Variants in DLG4 observed in about 807,000 individuals in gnomAD.
DLG4 encodes the protein disks large homolog 4.
Under a neutral mutation model 93.8 loss-of-function variants are expected in DLG4, and 7 were observed. The ratio of observed to expected loss-of-function variants is 0.07; its 90% confidence interval spans 0.04 to 0.14. The LOEUF (loss-of-function observed/expected upper bound fraction) is 0.14. Ranked by LOEUF, DLG4 falls within the 10% of genes least tolerant of loss-of-function variation. The pLI is 1.00. For missense variants in DLG4, 545 were observed against 992.9 expected, an observed-to-expected ratio of 0.55 and a Z score of 6.06; for synonymous variants, 341 against 387.6, an observed-to-expected ratio of 0.88 and a Z score of 1.41.
intron 1 of DLG4, chr17:7,211,699 T>G: frequency 6.3e-6 from 6 of 954,264 alleles, no homozygotes; most frequent in Non-Finnish European, 7.4e-6. Flanking sequence ...CGAGCCGACA[T>G]GGAGAAGGGG....
At position 7,189,425 on chromosome 17, in the gene DLG4, A is replaced by G. The variant is rs1443290115; in HGVS notation, c.*1283T>C. ...AATCACTTGAACCAGGGTGGCAGAGATCACAGTGAGCCGAGATCGAGCCAC... is the reference window on the plus strand; with the variant it reads ...AATCACTTGAACCAGGGTGGCAGAGGTCACAGTGAGCCGAGATCGAGCCAC... On this transcript the variant is annotated 3_prime_UTR_variant, in exon 20 of 20. Coordinates refer to ENST00000399506, the MANE Select transcript of DLG4 (RefSeq NM_001321075.3). Among the ~76,000 whole-genome samples the G allele has an allele frequency of 1.3e-5, 2 of 150,868 alleles. No individual in the cohort carries two copies. The highest frequency in any genetic ancestry group is 3.0e-5 in the Non-Finnish European group (2 of 67,676).
intron 1 of DLG4, among the ~76,000 whole-genome samples, chr17:7,216,187 C>A (rs1196401035): frequency 6.6e-6 from 1 of 152,040 alleles, no homozygotes; most frequent in African/African-American, 2.4e-5. Context: ...TCCTCCCCCA[C>A]CTTGATCCCA....
chr17:7,194,625 A>G lies in DLG4; in HGVS notation c.1302-130T>C. On this transcript the variant is annotated intron_variant, in intron 11 of 19. Transcript: ENST00000399506. This position sits in a 1 kb window ranked among gnomAD's most constrained non-coding sequence, Gnocchi z 4.4. ...GGGAGCTATGGATGCCGAGGAACCC[A>G]AAACTGTGTGGGGACCAAACGCTGA... is the stretch of plus-strand genomic sequence containing the variant. 1.0e-6 allele frequency: 1 copy of G among 952,434 alleles called. No homozygotes were observed. Among genetic ancestry groups the G allele is most frequent in the East Asian group, 2.6e-5 (1 of 37,968 alleles). The allele number at this position is 952,434 out of a possible 1,614,324, so 59.0% of individuals were successfully genotyped here. A position where few individuals can be genotyped will look rare whatever the true frequency, so the allele number is the denominator to read the frequency against.
rs932136340 is a variant in DLG4 at position 7,189,139 on chromosome 17, G to A, written c.*1569C>T. On this transcript the variant is annotated 3_prime_UTR_variant, in exon 20 of 20. Transcript: ENST00000399506. ...AAAAAAAAAAAAAAGGGTGGGGGGG[G>A]CGCATAAAGAAACCTAGCGTATATT... Among the ~76,000 whole-genome samples, 8 of 148,488 alleles carry A rather than the reference G, an allele frequency of 5.4e-5. No individual in the cohort carries two copies. The East Asian group carries it at 8.0e-4, about 15-fold the overall frequency.
In DLG4 at chr17:7,195,718, G is replaced by A. The variant is rs556057583; in HGVS notation, c.1301+502C>T. On this transcript the variant is annotated intron_variant, in intron 11 of 19. Transcript: ENST00000399506. The surrounding 1 kb of genome is among the most constrained non-coding windows in gnomAD (Gnocchi z 4.3). ...GGACAGAAGTGGAGGGGTGACCCCC[G>A]GGGGCGGGAGAGAGGTGTGTTTTGG... Among the ~76,000 whole-genome samples the A allele has an allele frequency of 8.5e-5, 13 of 152,222 alleles. No individual in the cohort carries two copies. Among genetic ancestry groups the A allele is most frequent in the African/African-American group, 2.6e-4 (11 of 41,532 alleles).
At position 7,193,434 on chromosome 17, in the gene DLG4, C is replaced by T; in HGVS notation, c.1693+49G>A. 3 of 1,486,038 alleles carry T rather than the reference C, an allele frequency of 2.0e-6. No individual in the cohort carries two copies. Among genetic ancestry groups the T allele is most frequent in the East Asian group, 2.3e-5 (1 of 42,970 alleles). 92.1% of individuals were successfully genotyped at this position (1,486,038 alleles called of 1,614,324 possible). On this transcript the variant is annotated intron_variant, in intron 16 of 19. Transcript: ENST00000399506. The surrounding 1 kb of genome is among the most constrained non-coding windows in gnomAD (Gnocchi z 6.7). ...TGGCCCCAGGGATGGGCCTCCCCTG[C>T]CCCACCCCCACTTCCACCTTCTCCT... is the stretch of plus-strand genomic sequence containing the variant.
intron 1 of DLG4, among the ~76,000 whole-genome samples, chr17:7,216,240 C>A (rs1379326920): frequency 6.6e-6 from 1 of 152,118 alleles, no homozygotes; most frequent in African/African-American, 2.4e-5. Context: ...CTGCTCTTCT[C>A]CCTCTCTCTT....
chr17:7,204,221 T>C lies in DLG4; in HGVS notation c.128A>G (p.Asp43Gly). Residue 43 changes from aspartate to glycine, a missense_variant, in exon 3 of 20, where the codon GAT becomes GGT. Asp to Gly is a moderately conservative substitution (Grantham distance 94). Around this residue, in one of 5 missense-constraint regions of DLG4, gnomAD observed 49 missense variants for 80.4 expected, o/e 0.61. Transcript: ENST00000399506. Reference sequence around the variant, plus strand: ...CACATATCCTGGGGCTTCTAGGGTATCTGTGTTGACAATCACTGGGGGAGA... The same window carrying C: ...CACATATCCTGGGGCTTCTAGGGTACCTGTGTTGACAATCACTGGGGGAGA... ...ANSPPVIVNT[D>G]TLEAPGYELQ... 6.2e-7 allele frequency: 1 copy of C among 1,603,446 alleles called. No homozygotes were observed. Among genetic ancestry groups the C allele is most frequent in the Non-Finnish European group, 8.5e-7 (1 of 1,173,212 alleles).
intron 2 of DLG4, chr17:7,204,997 G>A: frequency 1.0e-6 from 1 of 985,308 alleles, no homozygotes; most frequent in Non-Finnish European, 1.2e-6. Flanking sequence ...GTGGCCTGGG[G>A]CCGACCAAAC....
At position 7,191,694 on chromosome 17, in the gene DLG4, G is replaced by A. The variant is rs551032560; in HGVS notation, c.1976+199C>T. ...TATGCCCCAGGGGCTGCTGGGAAAT[G>A]TAGTCCTGTCTAGCCAAGGCAGGAG... On this transcript the variant is annotated intron_variant, in intron 18 of 19. Transcript: ENST00000399506. The surrounding 1 kb of genome is among the most constrained non-coding windows in gnomAD (Gnocchi z 6.6). 3.2e-4 allele frequency: 186 copies of A among 578,536 alleles called. 2 individuals carry two copies. The highest frequency in any genetic ancestry group is 3.0e-3 in the South Asian group (119 of 39,220). The allele number at this position is 578,536 out of a possible 1,614,324, so 35.8% of individuals were successfully genotyped here.
chr17:7,201,047 A>G (rs1048914631), intron 8 of DLG4, among the ~76,000 whole-genome samples: 2 of 151,408 alleles, frequency 1.3e-5, no homozygotes, highest in African/African-American at 4.9e-5. Flanking sequence ...TATTTTTAGT[A>G]GAGACAGCGT....
Position 7,189,422 on chromosome 17 carries a change from G to C in DLG4, c.*1286C>G, listed in dbSNP as rs1236598797. Among the ~76,000 whole-genome samples, 1 of 151,574 alleles carries C rather than the reference G, an allele frequency of 6.6e-6. No individual in the cohort carries two copies. The highest frequency in any genetic ancestry group is 2.4e-5 in the African/African-American group (1 of 41,246). On this transcript the variant is annotated 3_prime_UTR_variant, in exon 20 of 20. Transcript: ENST00000399506. ...GAGAATCACTTGAACCAGGGTGGCAGAGATCACAGTGAGCCGAGATCGAGC... is the reference window on the plus strand; with the variant it reads ...GAGAATCACTTGAACCAGGGTGGCACAGATCACAGTGAGCCGAGATCGAGC...
chr17:7,192,198 G>A lies in DLG4; in HGVS notation c.1867-196C>T, dbSNP rs185928908. On this transcript the variant is annotated intron_variant, in intron 17 of 19. Coordinates refer to ENST00000399506, the MANE Select transcript of DLG4 (RefSeq NM_001321075.3). ...GGACAGAGTAAAAGACAGAGGGAAA[G>A]GAAAGGGAAGATGGAGAGCACGGGA... The A allele has an allele frequency of 5.5e-3, 2,400 of 439,798 alleles. 18 individuals are homozygous for A. Among genetic ancestry groups the A allele is most frequent in the Non-Finnish European group, 7.2e-3 (1,788 of 249,720 alleles). 27.2% of individuals were successfully genotyped at this position (439,798 alleles called of 1,614,324 possible). A position where few individuals can be genotyped will look rare whatever the true frequency, so the allele number is the denominator to read the frequency against.
At position 7,202,885 on chromosome 17, in the gene DLG4, T is replaced by C. The variant is rs2142881882; in HGVS notation, c.787+18A>G. The C allele has an allele frequency of 1.2e-6, 2 of 1,613,538 alleles. No homozygotes were observed. The highest frequency in any genetic ancestry group is 2.2e-5 in the South Asian group (2 of 91,082). On this transcript the variant is annotated intron_variant, in intron 8 of 19. Transcript: ENST00000399506. Reference sequence around the variant, plus strand: ...CGGGATGGGTCATGGGGAACTTTGGTGTTTGAAGGGCTCTCACAGGTTGTG... The same window carrying C: ...CGGGATGGGTCATGGGGAACTTTGGCGTTTGAAGGGCTCTCACAGGTTGTG...
In DLG4 at chr17:7,191,999, T is replaced by C; in HGVS notation, c.1870A>G (p.Lys624Glu). The change falls in exon 18 of 20, where the codon AAG (lysine) becomes GAG (glutamate). Residue 624 changes from lysine to glutamate, a missense_variant. Around this residue, in one of 5 missense-constraint regions of DLG4, gnomAD observed 428 missense variants for 741.4 expected, o/e 0.58. Coordinates refer to ENST00000399506, the MANE Select transcript of DLG4 (RefSeq NM_001321075.3). The surrounding 1 kb of genome is among the most constrained non-coding windows in gnomAD (Gnocchi z 6.6). Reference protein sequence around the residue: ...QSVREVAEQGKHCILDVSANA... With the variant: ...QSVREVAEQGEHCILDVSANA... ...GCCGAGACATCGAGGATGCAGTGCT[T>C]CCCCTGGGGGCAGGCAGGGTGGGCG... 1.4e-6 allele frequency: 2 copies of C among 1,427,636 alleles called. No homozygotes were observed. The highest frequency in any genetic ancestry group is 1.6e-5 in the South Asian group (1 of 62,204). The allele number at this position is 1,427,636 out of a possible 1,614,324, so 88.4% of individuals were successfully genotyped here. A position where few individuals can be genotyped will look rare whatever the true frequency, so the allele number is the denominator to read the frequency against.
chr17:7,219,127 C>G (rs548765475), upstream of DLG4: 2 of 527,524 alleles, frequency 3.8e-6, no homozygotes, highest in East Asian at 6.5e-5. Context: ...GAAGCTGAGC[C>G]CAGCTCTCTC....
chr17:7,190,428 G>GA lies in DLG4; in HGVS notation c.*279_*280insT. On this transcript the variant is annotated 3_prime_UTR_variant, in exon 20 of 20. Coordinates refer to ENST00000399506, the MANE Select transcript of DLG4 (RefSeq NM_001321075.3). Reference sequence around the variant, plus strand: ...CCGGTGGGTCTGTGTGTGCATTGGGGGCAGGTGGGGGCGGGGATCCTAAGG... The same window carrying GA: ...CCGGTGGGTCTGTGTGTGCATTGGGGAGCAGGTGGGGGCGGGGATCCTAAGG... The GA allele has an allele frequency of 2.2e-6, 1 of 446,938 alleles. No individual in the cohort carries two copies. Among genetic ancestry groups the GA allele is most frequent in the South Asian group, 2.4e-5 (1 of 41,964 alleles). 27.7% of individuals were successfully genotyped at this position (446,938 alleles called of 1,614,324 possible).
chr17:7,219,124 A>T (rs1450759287), upstream of DLG4: 56 of 532,600 alleles, frequency 1.1e-4, no homozygotes, highest in South Asian at 1.4e-3. Context: ...AAAGAAGCTG[A>T]GCCCAGCTCT....
At chr17:7,217,641 G>GGGGA, upstream of DLG4, 5 of 1,348,920 alleles carry the variant, frequency 3.7e-6, no homozygotes, top group Admixed American at 6.2e-5. Context: ...GAGGAAGCAG[G>GGGGA]GGGAGGGAGG....
Sources: gnomAD v4.1 joint callset for allele counts (sites outside exome capture counted in the v4.1 genomes callset) on GRCh38, gnomAD v4.1.1 for gene constraint, gnomAD v4.1.1 regional missense constraint, Gnocchi (gnomAD v3.1) non-coding constraint, MANE v1.5 for transcripts, NCBI Gene and HGNC (gene_info 2026-07-23, HGNC 2026-07-21) for gene names.